CTNNBIP1: variants seen among roughly 807,000 people sequenced by gnomAD.
CTNNBIP1 encodes the protein beta-catenin-interacting protein 1.
A neutral mutation model predicts 11.8 loss-of-function variants in CTNNBIP1; 7 were observed. The ratio of observed to expected loss-of-function variants is 0.60; its 90% CI spans 0.34 to 1.12. The LOEUF (loss-of-function observed/expected upper bound fraction) is 1.12, where lower values mean the gene tolerates loss of function less well. CTNNBIP1 is among the 50% of genes most tolerant of loss of function. The pLI is 0.03. For missense variants in CTNNBIP1, 101 were observed against 113.4 expected, an observed-to-expected ratio of 0.89 and a Z score of 0.50; for synonymous variants, 58 against 43.9, an observed-to-expected ratio of 1.32 and a Z score of -1.26.
intron 1 of CTNNBIP1, among the ~76,000 whole-genome samples, chr1:9,899,147 A>C (rs992657223): frequency 2.6e-5 from 4 of 152,188 alleles, no homozygotes; most frequent in Admixed American, 2.0e-4. Flanking sequence ...GAGATGGTTC[A>C]TAAGCGGCCT....
At chr1:9,904,437 T>C (rs144936710) in intron 1 of CTNNBIP1, among the ~76,000 whole-genome samples, 1 of 152,252 alleles carries the variant, frequency 6.6e-6, no homozygotes, top group African/African-American at 2.4e-5. Flanking sequence ...GAAATGCCAT[T>C]TCTCTCAGCG....
intron 5 of CTNNBIP1, among the ~76,000 whole-genome samples, chr1:9,855,273 T>TG (rs1557743544): frequency 6.7e-6 from 1 of 149,976 alleles, no homozygotes; most frequent in African/African-American, 2.4e-5. Context: ...TTTTTTTTTT[T>TG]GTAGAAATTG....
At chr1:9,881,221 G>A (rs190172169) in intron 2 of CTNNBIP1, among the ~76,000 whole-genome samples, 8 of 151,554 alleles carry the variant, frequency 5.3e-5, no homozygotes, top group East Asian at 1.9e-4. Flanking sequence ...TTTTTGTAGC[G>A]ACAGGTTCTC....
chr1:9,902,226 A>G (rs958852061), intron 1 of CTNNBIP1, among the ~76,000 whole-genome samples: 5 of 152,186 alleles, frequency 3.3e-5, no homozygotes, highest in Non-Finnish European at 5.9e-5. Flanking sequence ...CCTGCTTTCC[A>G]AAGTTGGCAG....
chr1:9,874,806 G>A (rs1171819890), intron 3 of CTNNBIP1, among the ~76,000 whole-genome samples: 1 of 152,206 alleles, frequency 6.6e-6, no homozygotes, highest in Non-Finnish European at 1.5e-5. Context: ...AAGAGACCAA[G>A]TACCTAACCC....
intron 1 of CTNNBIP1, among the ~76,000 whole-genome samples, chr1:9,900,695 A>G (rs565020245): frequency 9.9e-5 from 15 of 152,082 alleles, no homozygotes; most frequent in African/African-American, 3.6e-4. Flanking sequence ...CCCACCACAA[A>G]CTCTGGAAGA....
At chr1:9,910,048 C>CGGCGCGGGCCCGGGCGGTGCA (rs1639704291) in intron 1 of CTNNBIP1, 47 bp downstream of exon 1, 1 of 147,960 alleles carries the variant, frequency 6.8e-6, no homozygotes. Flanking sequence ...CGGCGCGGCG[C>CGGCGCGGGCCCGGGCGGTGCA]GGCGCGGGCC....
At chr1:9,870,280 A>G (rs1013681010) in intron 5 of CTNNBIP1, among the ~76,000 whole-genome samples, 2 of 152,268 alleles carry the variant, frequency 1.3e-5, no homozygotes, top group Non-Finnish European at 2.9e-5. Flanking sequence ...ATTCCAACAA[A>G]GCATAAAGAG....
chr1:9,897,666 T>G (rs78520006), intron 1 of CTNNBIP1, among the ~76,000 whole-genome samples: 3 of 151,286 alleles, frequency 2.0e-5, no homozygotes, highest in African/African-American at 7.3e-5. Context: ...AAAAAAAAAT[T>G]AGCCAAGCGT....
rs192455987 is a variant in CTNNBIP1, at chr1:9,892,417, G to A, written c.-143-8679C>T. On this transcript the variant is annotated intron_variant, in intron 1 of 5. Coordinates refer to ENST00000377263, the MANE Select transcript of CTNNBIP1 (RefSeq NM_020248.3). ...AGCCTGGGGGACAGAGCGAGACTCC[G>A]TCTAAAAAAAAAAAAAAAAAAAGAT... Among the ~76,000 whole-genome samples the A allele has an allele frequency of 7.6e-3, 1,063 of 139,584 alleles. 15 individuals carry two copies. The highest frequency in any genetic ancestry group is 0.028 in the African/African-American group (973 of 35,208). The allele number at this position is 139,584 out of a possible 152,430, so 91.6% of individuals were successfully genotyped here.
At chr1:9,873,829 G>A (rs1638912753) in intron 3 of CTNNBIP1, among the ~76,000 whole-genome samples, 1 of 152,126 alleles carries the variant, frequency 6.6e-6, no homozygotes, top group Non-Finnish European at 1.5e-5. Flanking sequence ...CAACCTGCTG[G>A]GCTTTAGCAA....
At chr1:9,888,090 C>T (rs1639221815) in intron 1 of CTNNBIP1, among the ~76,000 whole-genome samples, 2 of 151,588 alleles carry the variant, frequency 1.3e-5, no homozygotes, top group Admixed American at 1.3e-4. Context: ...TCCCAAAGTG[C>T]TGGAATTACA....
chr1:9,879,819 G>A (rs899433989), intron 2 of CTNNBIP1, among the ~76,000 whole-genome samples: 2 of 152,152 alleles, frequency 1.3e-5, no homozygotes, highest in Non-Finnish European at 2.9e-5. Flanking sequence ...AGAAGCAGAG[G>A]GGAACACTGT....
chr1:9,884,284 A>G (rs1639141992), intron 1 of CTNNBIP1, among the ~76,000 whole-genome samples: 1 of 152,148 alleles, frequency 6.6e-6, no homozygotes. Context: ...ATCAGCCAGC[A>G]GCCAGCCAGG....
intron 5 of CTNNBIP1, among the ~76,000 whole-genome samples, chr1:9,864,352 C>T (rs1220407): frequency 0.96 from 146,317 of 152,300 alleles, 70,539 homozygotes; most frequent in East Asian, 1. Context: ...TTTTTTAGGC[C>T]GAGTCTCGCT....
intron 1 of CTNNBIP1, among the ~76,000 whole-genome samples, chr1:9,887,817 C>T (rs1323335024): frequency 1.3e-5 from 2 of 151,974 alleles, no homozygotes; most frequent in Non-Finnish European, 1.5e-5. Flanking sequence ...TTATTATATA[C>T]CAATAGAAAT....
intron 5 of CTNNBIP1, among the ~76,000 whole-genome samples, chr1:9,857,450 C>T (rs1442480101): frequency 5.4e-5 from 8 of 148,138 alleles, no homozygotes; most frequent in Admixed American, 2.7e-4. Flanking sequence ...GAGATAGCAC[C>T]GCTGCACTCC....
chr1:9,853,073 A>G lies in CTNNBIP1; in HGVS notation c.188-2297T>C, dbSNP rs375530858. ...GAAGCAAAGGATTTGCAAGAGTCCTACCCTTCCCACACTGCCAGCTGCCAC... is the reference window on the plus strand; with the variant it reads ...GAAGCAAAGGATTTGCAAGAGTCCTGCCCTTCCCACACTGCCAGCTGCCAC... On this transcript the variant is annotated intron_variant, in intron 5 of 5. Coordinates refer to ENST00000377263, the MANE Select transcript of CTNNBIP1 (RefSeq NM_020248.3). Among the ~76,000 whole-genome samples the G allele has an allele frequency of 1.4e-4, 22 of 152,198 alleles. No individual in the cohort carries two copies. In the East Asian group the frequency reaches 2.9e-3, roughly 20 times the overall value.
chr1:9,880,978 C>T lies in CTNNBIP1; in HGVS notation c.-110+2727G>A, dbSNP rs4636465. Among the ~76,000 whole-genome samples, 1,482 of 152,182 alleles carry T rather than the reference C, an allele frequency of 9.7e-3. 27 individuals carry two copies. Among genetic ancestry groups the T allele is most frequent in the African/African-American group, 0.033 (1,363 of 41,442 alleles). On this transcript the variant is annotated intron_variant, in intron 2 of 5. Coordinates refer to ENST00000377263, the MANE Select transcript of CTNNBIP1 (RefSeq NM_020248.3). ...CTGAGGCCTGGACAGTCACACATGG[C>T]CTGCATTCAGGAGGGCCCCATGCTT...
Sources: gnomAD v4.1 joint callset for allele counts (sites outside exome capture counted in the v4.1 genomes callset) on GRCh38, gnomAD v4.1.1 for gene constraint, MANE v1.5 for transcripts, NCBI Gene and HGNC (gene_info 2026-07-23, HGNC 2026-07-21) for gene names.